Variants in STAT1 observed in about 807,000 individuals in gnomAD.
The protein encoded by STAT1 is signal transducer and activator of transcription 1-alpha/beta.
A neutral mutation model predicts 111.7 loss-of-function variants in STAT1; 24 were observed. The ratio of observed to expected loss-of-function variants is 0.21; its 90% CI spans 0.16 to 0.30. The LOEUF is 0.30. STAT1 is among the 10% of genes least tolerant of loss of function. The pLI is 1.00. For missense variants in STAT1, 351 were observed against 911.9 expected (o/e 0.38, Z 7.92); for synonymous variants, 332 against 326.5 (o/e 1.02, Z -0.18).
In STAT1 at chr2:190,974,117, C is replaced by T. The variant is rs148740456; in HGVS notation, c.2238+713G>A. 1.3e-5 allele frequency among the ~76,000 whole-genome samples: 2 copies of T among 152,188 alleles called. No individual in the cohort carries two copies. Among genetic ancestry groups the T allele is most frequent in the Admixed American group, 1.3e-4 (2 of 15,286 alleles). ...ATGTGGAAAAGAGCTTAAAATTAAACAGCATCAGCAAAAATCCAGCCAAGC... is the reference window on the plus strand; with the variant it reads ...ATGTGGAAAAGAGCTTAAAATTAAATAGCATCAGCAAAAATCCAGCCAAGC... On this transcript the variant is annotated intron_variant, in intron 24 of 24. Coordinates refer to ENST00000361099, the MANE Select transcript of STAT1 (RefSeq NM_007315.4). The surrounding 1 kb of genome is among the most constrained non-coding windows in gnomAD (Gnocchi z 4.8).
intron 15 of STAT1, 147 bp downstream of exon 15, chr2:190,985,472 C>T: frequency 1.3e-6 from 1 of 782,766 alleles, no homozygotes; most frequent in Non-Finnish European, 2.2e-6. Context: ...ACTGTTGTCA[C>T]AGATATACCA....
rs80316898 is a variant in STAT1, at chr2:190,998,681, C to CAAAAAAAAA, written c.542-382_542-374dup. ...CGTCTCCAAAAAAAAACAAAAAAAA[C>CAAAAAAAAA]AAAAAAAAAACAAAAAAAACTTGTT... On this transcript the variant is annotated intron_variant, in intron 7 of 24. Transcript: ENST00000361099. The surrounding 1 kb of genome is among the most constrained non-coding windows in gnomAD (Gnocchi z 4.1). Among the ~76,000 whole-genome samples the CAAAAAAAAA allele has an allele frequency of 1.5e-5, 2 of 135,590 alleles. No homozygotes were observed. Among genetic ancestry groups the CAAAAAAAAA allele is most frequent in the Non-Finnish European group, 3.3e-5 (2 of 60,966 alleles). 89.0% of individuals were successfully genotyped at this position (135,590 alleles called of 152,430 possible).
In STAT1 at chr2:190,974,599, T is replaced by A. The variant is rs41417844; in HGVS notation, c.2238+231A>T. 5.3e-5 allele frequency among the ~76,000 whole-genome samples: 8 copies of A among 152,350 alleles called. No homozygotes were observed. The highest frequency in any genetic ancestry group is 1.7e-4 in the African/African-American group (7 of 41,584). On this transcript the variant is annotated intron_variant, in intron 24 of 24. Transcript: ENST00000361099. The surrounding 1 kb of genome is among the most constrained non-coding windows in gnomAD (Gnocchi z 4.8). ...GGAGGAAACCTGAATATTAGAAATG[T>A]CACTTGTTTTTTGGAAGGTGCTGAA...
rs138723664 is a variant in STAT1 at position 190,975,860 on chromosome 2, G to C, written c.2087C>G (p.Pro696Arg). 1 of 1,614,048 alleles carries C rather than the reference G, an allele frequency of 6.2e-7. No homozygotes were observed. The highest frequency in any genetic ancestry group is 1.3e-5 in the African/African-American group (1 of 75,006). The change falls in exon 23 of 25, where the codon CCT (proline) becomes CGT (arginine). Residue 696 changes from proline (P) to arginine (R), a missense_variant. By Grantham distance (103) the Pro-to-Arg change is moderately radical. Coordinates refer to ENST00000361099, the MANE Select transcript of STAT1 (RefSeq NM_007315.4). This position sits in a 1 kb window ranked among gnomAD's most constrained non-coding sequence, Gnocchi z 5.9. ...EAPEPMELDG[P>R]KGTGYIKTEL... ...AGTCTTGATATATCCAGTTCCTTTA[G>C]GGCCATCAAGTTCCATTGGCTCTGG...
chr2:190,991,153 A>C (rs1693299118), intron 11 of STAT1, 75 bp downstream of exon 11: 1 of 1,411,488 alleles, frequency 7.1e-7, no homozygotes, highest in East Asian at 2.3e-5. Flanking sequence ...CCTATATAAC[A>C]GTTTTTATAA....
rs2124995604 is a variant in STAT1 at position 190,975,589 on chromosome 2, A to G, written c.2135+223T>C. The stretch of plus-strand genomic sequence containing the variant: ...TTTTTCAAAGGGTATCAGTTTTGGG[A>G]AAATTTATATACCTTAAATACAAAT... On this transcript the variant is annotated intron_variant, in intron 23 of 24. Coordinates refer to ENST00000361099, the MANE Select transcript of STAT1 (RefSeq NM_007315.4). This position sits in a 1 kb window ranked among gnomAD's most constrained non-coding sequence, Gnocchi z 5.9. The G allele has an allele frequency of 7.0e-7, 1 of 1,422,422 alleles. No homozygotes were observed. The highest frequency in any genetic ancestry group is 1.4e-5 in the African/African-American group (1 of 69,110). The allele number at this position is 1,422,422 out of a possible 1,614,324, so 88.1% of individuals were successfully genotyped here. A position where few individuals can be genotyped will look rare whatever the true frequency, so the allele number is the denominator to read the frequency against.
chr2:190,974,744 A>G lies in STAT1; in HGVS notation c.2238+86T>C, dbSNP rs539498620. 29 of 1,217,954 alleles carry G rather than the reference A, an allele frequency of 2.4e-5. No individual in the cohort carries two copies. In the East Asian group the frequency reaches 6.1e-4, roughly 26 times the overall value. 75.4% of individuals were successfully genotyped at this position (1,217,954 alleles called of 1,614,324 possible). On this transcript the variant is annotated intron_variant, in intron 24 of 24. Coordinates refer to ENST00000361099, the MANE Select transcript of STAT1 (RefSeq NM_007315.4). The surrounding 1 kb of genome is among the most constrained non-coding windows in gnomAD (Gnocchi z 4.8). ...TCCGCCAGGGCTCCCTCCCGCAGAC[A>G]GGCCCGGGATCTGCCATGGTGCGCT...
rs188923717 is a variant in STAT1 at position 191,004,495 on chromosome 2, C to T, written c.372+3068G>A. 9.9e-5 allele frequency among the ~76,000 whole-genome samples: 15 copies of T among 152,218 alleles called. No individual in the cohort carries two copies. Among genetic ancestry groups the T allele is most frequent in the Admixed American group, 7.2e-4 (11 of 15,296 alleles). On this transcript the variant is annotated intron_variant, in intron 5 of 24. Coordinates refer to ENST00000361099, the MANE Select transcript of STAT1 (RefSeq NM_007315.4). This position sits in a 1 kb window ranked among gnomAD's most constrained non-coding sequence, Gnocchi z 5.0. ...ACTCCATGGGTGTGAGAAGTTCCAG[C>T]CAGAAAGCCCTCATATCCCATCCCA...
At position 190,978,736 on chromosome 2, in the gene STAT1, A is replaced by G. The variant is rs1692105588; in HGVS notation, c.1873+120T>C. The G allele has an allele frequency of 7.6e-7, 1 of 1,308,084 alleles. No homozygotes were observed. The allele number at this position is 1,308,084 out of a possible 1,614,324, so 81.0% of individuals were successfully genotyped here. The stretch of plus-strand genomic sequence containing the variant: ...ATCCTATCGGGGGCTCATTTGGGGT[A>G]AGTATAAGATCTGCAATTTCATGTC... On this transcript the variant is annotated intron_variant, in intron 21 of 24. Transcript: ENST00000361099. This position sits in a 1 kb window ranked among gnomAD's most constrained non-coding sequence, Gnocchi z 6.1.
chr2:190,974,783 C>T lies in STAT1; in HGVS notation c.2238+47G>A. ...CCATGGTGCGCTCCCTGCCTCTGAGCACACACACTTATTGAGAGCTACACA... is the reference window on the plus strand; with the variant it reads ...CCATGGTGCGCTCCCTGCCTCTGAGTACACACACTTATTGAGAGCTACACA... On this transcript the variant is annotated intron_variant, in intron 24 of 24. Transcript: ENST00000361099. The surrounding 1 kb of genome is among the most constrained non-coding windows in gnomAD (Gnocchi z 4.8). The T allele has an allele frequency of 6.5e-7, 1 of 1,527,240 alleles. No individual in the cohort carries two copies. The highest frequency in any genetic ancestry group is 9.1e-7 in the Non-Finnish European group (1 of 1,101,084). The allele number at this position is 1,527,240 out of a possible 1,614,324, so 94.6% of individuals were successfully genotyped here.
chr2:190,969,884 G>A lies in STAT1; in HGVS notation c.*819C>T, dbSNP rs1036975160. 4 of 152,188 alleles carry A rather than the reference G, an allele frequency of 2.6e-5. No homozygotes were observed. The highest frequency in any genetic ancestry group is 9.6e-5 in the African/African-American group (4 of 41,452). 9.4% of individuals were successfully genotyped at this position (152,188 alleles called of 1,614,324 possible). A position where few individuals can be genotyped will look rare whatever the true frequency, so the allele number is the denominator to read the frequency against. The stretch of plus-strand genomic sequence containing the variant: ...GTTAATTTCAACTTTTGAATGAGTG[G>A]TTGTGAATAGCCTAACTCCCTTGGG... On this transcript the variant is annotated 3_prime_UTR_variant, in exon 25 of 25. Coordinates refer to ENST00000361099, the MANE Select transcript of STAT1 (RefSeq NM_007315.4).
In STAT1 at chr2:190,987,729, G is replaced by A. The variant is rs1692965873; in HGVS notation, c.1098-661C>T. On this transcript the variant is annotated intron_variant, in intron 12 of 24. Transcript: ENST00000361099. The surrounding 1 kb of genome is among the most constrained non-coding windows in gnomAD (Gnocchi z 4.0). The stretch of plus-strand genomic sequence containing the variant: ...TTCTGGCCAAATAATGTATCCGTGA[G>A]CGTCCTAGATGTAGACTAGAAATCA... Among the ~76,000 whole-genome samples, 1 of 152,188 alleles carries A rather than the reference G, an allele frequency of 6.6e-6. No individual in the cohort carries two copies. Among genetic ancestry groups the A allele is most frequent in the South Asian group, 2.1e-4 (1 of 4,834 alleles).
rs1419392891 is a variant in STAT1, at chr2:190,993,231, G to C, written c.944+1830C>G. ...AACAATTTGTTGACGTTTTCACTGG[G>C]ATAATGATCTATTTTCTGCAGTCAC... On this transcript the variant is annotated intron_variant, in intron 10 of 24. Coordinates refer to ENST00000361099, the MANE Select transcript of STAT1 (RefSeq NM_007315.4). This position sits in a 1 kb window ranked among gnomAD's most constrained non-coding sequence, Gnocchi z 4.1. 6.9e-6 allele frequency: 4 copies of C among 580,858 alleles called. No homozygotes were observed. In the East Asian group the frequency reaches 1.3e-4, roughly 19 times the overall value. 36.0% of individuals were successfully genotyped at this position (580,858 alleles called of 1,614,324 possible).
At chr2:191,010,227 T>C in intron 2 of STAT1, 1 of 524,314 alleles carries the variant, frequency 1.9e-6, no homozygotes. Context: ...TCTTCATGTC[T>C]TTGCTTATTG....
Position 191,011,640 on chromosome 2 carries a change from C to A in STAT1, c.-1-1636G>T, listed in dbSNP as rs561174953. 2.6e-5 allele frequency among the ~76,000 whole-genome samples: 4 copies of A among 152,260 alleles called. No homozygotes were observed. The East Asian group carries it at 7.7e-4, about 29-fold the overall frequency. Reference sequence around the variant, plus strand: ...TAATTCCCATGTGTTAAGGGCGGGACCAGTGGAGGTAACTGAATCATGGGG... The same window carrying A: ...TAATTCCCATGTGTTAAGGGCGGGAACAGTGGAGGTAACTGAATCATGGGG... On this transcript the variant is annotated intron_variant, in intron 2 of 24. Transcript: ENST00000361099.
Position 191,000,036 on chromosome 2 carries a change from C to T in STAT1, c.463-332G>A, listed in dbSNP as rs886354481. Among the ~76,000 whole-genome samples, 10 of 152,204 alleles carry T rather than the reference C, an allele frequency of 6.6e-5. No individual in the cohort carries two copies. The highest frequency in any genetic ancestry group is 2.2e-4 in the African/African-American group (9 of 41,454). ...ATGATTTAAGAACTCCACTGTGAAG[C>T]CCACAGCAGGCGGGGAAAAAGCTCA... On this transcript the variant is annotated intron_variant, in intron 6 of 24. Coordinates refer to ENST00000361099, the MANE Select transcript of STAT1 (RefSeq NM_007315.4). The surrounding 1 kb of genome is among the most constrained non-coding windows in gnomAD (Gnocchi z 4.8).
chr2:190,985,962 C>T (rs1692778835), intron 14 of STAT1, among the ~76,000 whole-genome samples: 1 of 152,184 alleles, frequency 6.6e-6, no homozygotes, highest in Non-Finnish European at 1.5e-5. Flanking sequence ...TGTTTCATGC[C>T]CTGAGGCTCG....
Position 190,970,098 on chromosome 2 carries a change from T to C in STAT1, c.*605A>G, listed in dbSNP as rs921851886. 5 of 159,494 alleles carry C rather than the reference T, an allele frequency of 3.1e-5. No individual in the cohort carries two copies. The highest frequency in any genetic ancestry group is 1.2e-4 in the African/African-American group (5 of 41,506). 9.9% of individuals were successfully genotyped at this position (159,494 alleles called of 1,614,324 possible). A position where few individuals can be genotyped will look rare whatever the true frequency, so the allele number is the denominator to read the frequency against. Reference sequence around the variant, plus strand: ...AACAGAATTTGTCTTTGTCTTTAAATAGCCAATGTGAAAGATGTAATAAAA... The same window carrying C: ...AACAGAATTTGTCTTTGTCTTTAAACAGCCAATGTGAAAGATGTAATAAAA... On this transcript the variant is annotated 3_prime_UTR_variant, in exon 25 of 25. Coordinates refer to ENST00000361099, the MANE Select transcript of STAT1 (RefSeq NM_007315.4). The surrounding 1 kb of genome is among the most constrained non-coding windows in gnomAD (Gnocchi z 5.4).
In STAT1 at chr2:190,980,842, T is replaced by C. The variant is rs1692331776; in HGVS notation, c.1583-173A>G. 6.6e-6 allele frequency among the ~76,000 whole-genome samples: 1 copy of C among 152,228 alleles called. No individual in the cohort carries two copies. The highest frequency in any genetic ancestry group is 1.5e-5 in the Non-Finnish European group (1 of 68,044). On this transcript the variant is annotated intron_variant, in intron 18 of 24. Transcript: ENST00000361099. This position sits in a 1 kb window ranked among gnomAD's most constrained non-coding sequence, Gnocchi z 6.1. ...TAATGCCAAATTAACTGAGCAATTA[T>C]AATACGTGCTGTAAGAGGGCGGAAT...
Sources: allele counts gnomAD v4.1 joint callset (sites outside exome capture counted in the v4.1 genomes callset), GRCh38; gene constraint gnomAD v4.1.1; non-coding constraint Gnocchi (gnomAD v3.1); transcripts MANE v1.5; gene names NCBI Gene and HGNC (gene_info 2026-07-23, HGNC 2026-07-21).